The following CADM2 variants were observed in gnomAD, a reference collection of about 807,000 sequenced individuals.
The protein encoded by CADM2 is cell adhesion molecule 2, also known as immunoglobulin superfamily member 4D.
CADM2 carries 12 observed loss-of-function variants against 49.8 expected under a neutral mutation model. That is an observed-to-expected ratio of 0.24 (90% CI 0.15 to 0.39). The LOEUF (loss-of-function observed/expected upper bound fraction) is 0.39, where lower values mean the gene tolerates loss of function less well. Ranked by LOEUF, CADM2 falls within the 10% of genes least tolerant of loss-of-function variation. The pLI, the probability that CADM2 is intolerant of heterozygous loss-of-function variation, is 1.00. For missense variants in CADM2, 378 were observed against 492.3 expected, an observed-to-expected ratio of 0.77 and a Z score of 2.20; for synonymous variants, 214 against 175.4, an observed-to-expected ratio of 1.22 and a Z score of -1.74.
chr3:85,415,093 C>T (rs1388338331), intron 1 of CADM2, among the ~76,000 whole-genome samples: 3 of 152,088 alleles, frequency 2.0e-5, no homozygotes, highest in Non-Finnish European at 4.4e-5. Flanking sequence ...TGAGACTTTG[C>T]TATATAAAGT....
chr3:85,172,997 CT>C (rs1160127798), intron 1 of CADM2, among the ~76,000 whole-genome samples: 2,606 of 137,262 alleles, frequency 0.019, 71 homozygotes, highest in African/African-American at 0.063. Context: ...TATCTAATAC[CT>C]TTTTTTTTTT....
At position 85,145,743 on chromosome 3, in the gene CADM2, G is replaced by T. The variant is rs2039718715; in HGVS notation, c.61+186075G>T. Among the ~76,000 whole-genome samples, 6 of 152,048 alleles carry T rather than the reference G, an allele frequency of 3.9e-5. No individual in the cohort carries two copies. In the South Asian group the frequency reaches 1.0e-3, roughly 26 times the overall value. On this transcript the variant is annotated intron_variant, in intron 1 of 9. Transcript: ENST00000383699. ...TTTGGGGTGATTAATTTCATTTATA[G>T]TAAATAGTATCATTTGCTAATATTT...
intron 1 of CADM2, among the ~76,000 whole-genome samples, chr3:85,368,719 T>A (rs1034583036): frequency 1.3e-5 from 2 of 152,208 alleles, no homozygotes; most frequent in Non-Finnish European, 2.9e-5. Context: ...TATTTTATCC[T>A]GGCAGGAAAA....
At chr3:85,308,765 A>G (rs1461871955) in intron 1 of CADM2, among the ~76,000 whole-genome samples, 6 of 152,036 alleles carry the variant, frequency 3.9e-5, no homozygotes, top group Non-Finnish European at 8.8e-5. Flanking sequence ...ACACCTCTTA[A>G]TATGTATTTT....
chr3:85,422,390 G>A (rs2036213360), intron 1 of CADM2, among the ~76,000 whole-genome samples: 1 of 151,956 alleles, frequency 6.6e-6, no homozygotes, highest in Non-Finnish European at 1.5e-5. Flanking sequence ...CCATTCTCCT[G>A]CCTCAGCTTC....
chr3:85,739,262 C>A (rs138086173), intron 2 of CADM2, among the ~76,000 whole-genome samples: 1 of 152,040 alleles, frequency 6.6e-6, no homozygotes, highest in East Asian at 1.9e-4. Context: ...AAGTTCTCTG[C>A]AGCCTTAAAG....
At chr3:85,064,610 T>G (rs1393115603) in intron 1 of CADM2, among the ~76,000 whole-genome samples, 1 of 152,106 alleles carries the variant, frequency 6.6e-6, no homozygotes, top group African/African-American at 2.4e-5. Flanking sequence ...GTTCTTATTT[T>G]GTTCATAGAG....
chr3:85,662,301 A>G (rs1016016203), intron 1 of CADM2, among the ~76,000 whole-genome samples: 1 of 151,220 alleles, frequency 6.6e-6, no homozygotes, highest in Non-Finnish European at 1.5e-5. Context: ...GTAAAAAATG[A>G]AATACAATTT....
intron 1 of CADM2, among the ~76,000 whole-genome samples, chr3:85,540,924 C>G (rs746845098): frequency 6.6e-6 from 1 of 152,020 alleles, no homozygotes; most frequent in Non-Finnish European, 1.5e-5. Context: ...GTGTCTCTTT[C>G]TTTTCTTATA....
intron 3 of CADM2, among the ~76,000 whole-genome samples, chr3:85,821,052 A>G (rs2073526482): frequency 6.6e-6 from 1 of 152,146 alleles, no homozygotes; most frequent in Non-Finnish European, 1.5e-5. Context: ...GACTTTCATT[A>G]TCATCCTTTG....
intron 1 of CADM2, among the ~76,000 whole-genome samples, chr3:85,430,804 G>A (rs1576540909): frequency 6.6e-6 from 1 of 152,016 alleles, no homozygotes. Context: ...GAAGGGGCTT[G>A]ATGCAAACAC....
At chr3:85,760,744 A>G (rs1423107244) in intron 2 of CADM2, among the ~76,000 whole-genome samples, 1 of 152,192 alleles carries the variant, frequency 6.6e-6, no homozygotes, top group East Asian at 1.9e-4. Context: ...AAAGTAATAC[A>G]TTAAGATAAA....
intron 1 of CADM2, among the ~76,000 whole-genome samples, chr3:85,456,549 C>T (rs926444083): frequency 2.0e-5 from 3 of 152,142 alleles, no homozygotes; most frequent in African/African-American, 7.2e-5. Flanking sequence ...ATTCAACTAT[C>T]TCAAATTTTT....
chr3:84,970,277 T>TA (rs1404396035), intron 1 of CADM2, among the ~76,000 whole-genome samples: 1 of 151,238 alleles, frequency 6.6e-6, no homozygotes, highest in African/African-American at 2.4e-5. Context: ...GAATTTGATT[T>TA]TTTTTTTTTG....
At chr3:85,028,071 G>A (rs1026574102) in intron 1 of CADM2, among the ~76,000 whole-genome samples, 4 of 152,080 alleles carry the variant, frequency 2.6e-5, no homozygotes, top group African/African-American at 9.7e-5. Context: ...TGTATTCATA[G>A]GATATGTGAG....
rs892426285 is a variant in CADM2, at chr3:85,192,403, G to A, written c.61+232735G>A. Among the ~76,000 whole-genome samples the A allele has an allele frequency of 2.6e-5, 4 of 151,808 alleles. No individual in the cohort carries two copies. In the East Asian group the frequency reaches 7.7e-4, roughly 29 times the overall value. On this transcript the variant is annotated intron_variant, in intron 1 of 9. Coordinates refer to ENST00000383699, the MANE Select transcript of CADM2 (RefSeq NM_001167675.2). ...TTCTAGACCTTATTTTTAAAAAATT[G>A]TTCTCTTAGATGTTCACAAGAGCTC...
At chr3:85,637,518 C>A (rs571339323) in intron 1 of CADM2, among the ~76,000 whole-genome samples, 7 of 148,240 alleles carry the variant, frequency 4.7e-5, no homozygotes. Flanking sequence ...AGGAGAATGG[C>A]GTGAACCCGG....
chr3:85,684,271 A>G (rs1458428866), intron 1 of CADM2, among the ~76,000 whole-genome samples: 1 of 152,186 alleles, frequency 6.6e-6, no homozygotes, highest in African/African-American at 2.4e-5. Flanking sequence ...AACCATACTT[A>G]ACCTGGTGAT....
intron 1 of CADM2, among the ~76,000 whole-genome samples, chr3:85,454,790 T>C (rs1394711677): frequency 6.6e-6 from 1 of 152,192 alleles, no homozygotes; most frequent in Non-Finnish European, 1.5e-5. Flanking sequence ...TTGTTGCCTT[T>C]AGGGAGCTTA....
Sources: allele counts gnomAD v4.1 joint callset (sites outside exome capture counted in the v4.1 genomes callset), GRCh38; gene constraint gnomAD v4.1.1; transcripts MANE v1.5; gene names NCBI Gene and HGNC (gene_info 2026-07-23, HGNC 2026-07-21).